Variants in ZC3H12B observed in about 807,000 individuals in gnomAD.
The protein encoded by ZC3H12B is probable ribonuclease ZC3H12B.
ZC3H12B carries 7 observed loss-of-function variants against 43.9 expected under a neutral mutation model. The ratio of observed to expected loss-of-function variants is 0.16; its 90% confidence interval spans 0.09 to 0.30. The LOEUF (loss-of-function observed/expected upper bound fraction) is 0.30, where lower values mean the gene tolerates loss of function less well. Ranked by LOEUF, ZC3H12B falls within the 10% of genes least tolerant of loss-of-function variation. The pLI is 1.00. For missense variants in ZC3H12B, 475 were observed against 670.2 expected, an observed-to-expected ratio of 0.71 and a Z score of 3.22; for synonymous variants, 222 against 241.7, an observed-to-expected ratio of 0.92 and a Z score of 0.76.
At chrX:65,131,526 G>A in the ZC3H12B span, among the ~76,000 whole-genome samples, 4 of 111,356 alleles carry the variant, frequency 3.6e-5, no homozygotes, top group Non-Finnish European at 7.5e-5. Flanking sequence ...TAGTGTGGGA[G>A]CAGCTTCTAG....
intron 3 of ZC3H12B, among the ~76,000 whole-genome samples, chrX:65,465,002 C>T (rs1249544323): frequency 9.1e-6 from 1 of 110,359 alleles, no homozygotes; most frequent in Non-Finnish European, 1.9e-5. Context: ...TTATTTCAAT[C>T]TTTTTAAATT....
the ZC3H12B span, among the ~76,000 whole-genome samples, chrX:65,276,986 T>C: frequency 1.8e-5 from 2 of 111,207 alleles, no homozygotes; most frequent in East Asian, 2.8e-4. Flanking sequence ...ACTCACCTCA[T>C]CTGTAAAGAC....
At chrX:65,499,760 G>C (rs989497958) in intron 3 of ZC3H12B, 123 bp from the exon 9 acceptor site, 2 of 528,317 alleles carry the variant, frequency 3.8e-6, no homozygotes, top group Non-Finnish European at 3.3e-6. Context: ...ATAGACTTGA[G>C]GCAGGAAGGG....
the ZC3H12B span, among the ~76,000 whole-genome samples, chrX:65,255,848 T>C: frequency 1.8e-5 from 2 of 112,147 alleles, no homozygotes; most frequent in African/African-American, 6.5e-5. Context: ...GAAAAATCTA[T>C]GAAATGAATG....
At chrX:65,102,904 G>A in the ZC3H12B span, among the ~76,000 whole-genome samples, 2 of 111,577 alleles carry the variant, frequency 1.8e-5, no homozygotes, top group Admixed American at 9.5e-5. Flanking sequence ...TGGGGTGTAC[G>A]AATAGGGTGT....
At chrX:65,352,879 G>T in the ZC3H12B span, among the ~76,000 whole-genome samples, 1 of 111,574 alleles carries the variant, frequency 9.0e-6, no homozygotes, top group Non-Finnish European at 1.9e-5. Context: ...ATAGGGTCTC[G>T]CTCTGTTACA....
Position 65,416,025 on chromosome X carries a change from A to G in ZC3H12B, n.407+17321A>G, listed in dbSNP as rs2066956017. Among the ~76,000 whole-genome samples, 3 of 111,976 alleles carry G rather than the reference A, an allele frequency of 2.7e-5. No homozygotes were observed. In the Admixed American group the frequency reaches 2.8e-4, roughly 11 times the overall value. On this transcript the variant is annotated intron_variant and non_coding_transcript_variant, in intron 3 of 5. Coordinates refer to the ZC3H12B transcript ENST00000617377. ...TCCTTGATGAAAATATTTCTAAAAT[A>G]TATTGTACAATTCTATACCTTCTTA...
the ZC3H12B span, among the ~76,000 whole-genome samples, chrX:65,222,289 C>A: frequency 2.7e-5 from 3 of 110,911 alleles, no homozygotes; most frequent in Non-Finnish European, 1.9e-5. Flanking sequence ...AGAACCAGAA[C>A]AAGACAAGGA....
intron 3 of ZC3H12B, among the ~76,000 whole-genome samples, chrX:65,476,499 G>A (rs1056438431): frequency 8.9e-6 from 1 of 111,832 alleles, no homozygotes; most frequent in African/African-American, 3.3e-5. Context: ...TCAAGAGTCA[G>A]TCACACAATA....
At chrX:65,191,814 G>A in the ZC3H12B span, among the ~76,000 whole-genome samples, 72 of 107,010 alleles carry the variant, frequency 6.7e-4, no homozygotes, top group Non-Finnish European at 1.2e-3. Flanking sequence ...GTTCTGCTCT[G>A]ATTTTAGTTA....
In ZC3H12B at chrX:65,500,998, C is replaced by T. The variant is rs1305501272; in HGVS notation, c.1091-791C>T. Among the ~76,000 whole-genome samples the T allele has an allele frequency of 4.5e-5, 5 of 110,917 alleles. No homozygotes were observed. The East Asian group carries it at 8.5e-4, about 19-fold the overall frequency. ...CTTTACAATGACCCTATAATATAGG[C>T]ATGATGATGAACTTTGGTTACAGAA... On this transcript the variant is annotated intron_variant, in intron 4 of 4. Transcript: ENST00000338957.
the ZC3H12B span, among the ~76,000 whole-genome samples, chrX:65,246,817 A>G: frequency 3.6e-5 from 4 of 112,348 alleles, no homozygotes. Context: ...AAGACAATCT[A>G]GGCAATATCA....
At chrX:65,047,946 C>A in the ZC3H12B span, among the ~76,000 whole-genome samples, 1 of 110,652 alleles carries the variant, frequency 9.0e-6, no homozygotes, top group African/African-American at 3.3e-5. Flanking sequence ...AACATGGTAT[C>A]TACCCTCTTA....
the ZC3H12B span, among the ~76,000 whole-genome samples, chrX:65,084,458 G>C: frequency 1.8e-5 from 2 of 111,762 alleles, no homozygotes; most frequent in Non-Finnish European, 3.8e-5. Context: ...ATTTTAATAG[G>C]CATTTCTTAA....
the ZC3H12B span, among the ~76,000 whole-genome samples, chrX:65,038,729 G>C: frequency 9.0e-5 from 10 of 111,374 alleles, no homozygotes; most frequent in Non-Finnish European, 1.7e-4. Flanking sequence ...GTCAGTCTCT[G>C]TTAAGTAACA....
chrX:65,318,107 ATAG>A, the ZC3H12B span, among the ~76,000 whole-genome samples: 6 of 109,060 alleles, frequency 5.5e-5, no homozygotes, highest in Non-Finnish European at 1.1e-4. Flanking sequence ...CACTGTTTAC[ATAG>A]TAGTAGTACT....
At chrX:65,238,351 C>T in the ZC3H12B span, among the ~76,000 whole-genome samples, 1 of 111,527 alleles carries the variant, frequency 9.0e-6, no homozygotes, top group Non-Finnish European at 1.9e-5. Flanking sequence ...GAAATTTATC[C>T]ATTTATTCTA....
At chrX:65,489,277 A>T (rs759786514) in exon 1 of ZC3H12B, 1 of 1,211,902 alleles carries the variant, frequency 8.3e-7, no homozygotes, top group Admixed American at 2.2e-5. Context: ...GGGCAGATCA[A>T]CTTGAGTCTG....
the ZC3H12B span, among the ~76,000 whole-genome samples, chrX:65,249,977 G>A: frequency 1.8e-5 from 2 of 109,995 alleles, no homozygotes; most frequent in African/African-American, 3.3e-5. Flanking sequence ...TAGGGTACAT[G>A]TGCACAACGT....
Sources: allele counts gnomAD v4.1 joint callset (sites outside exome capture counted in the v4.1 genomes callset), GRCh38; gene constraint gnomAD v4.1.1; transcripts MANE v1.5; gene names NCBI Gene and HGNC (gene_info 2026-07-23, HGNC 2026-07-21).